Variants in GTF2F2 observed in about 807,000 individuals in gnomAD.
GTF2F2 encodes general transcription factor IIF subunit 2.
GTF2F2 carries 23 observed loss-of-function variants against 42.2 expected under a neutral mutation model. The observed-to-expected ratio is 0.55, with a 90% confidence interval of 0.39 to 0.77. The LOEUF (loss-of-function observed/expected upper bound fraction) is 0.77, where lower values mean the gene tolerates loss of function less well. GTF2F2 is among the 30% of genes least tolerant of loss of function. GTF2F2 has a pLI of 0.00. For synonymous variants in GTF2F2, 105 were observed against 100.8 expected, an observed-to-expected ratio of 1.04 and a Z score of -0.25; for missense variants, 261 against 287.2, an observed-to-expected ratio of 0.91 and a Z score of 0.66.
intron 2 of GTF2F2, among the ~76,000 whole-genome samples, chr13:45,144,542 C>T (rs1032157375): frequency 2.7e-5 from 4 of 146,398 alleles, no homozygotes; most frequent in East Asian, 2.0e-4. Flanking sequence ...CTTGGGTTCA[C>T]GCCATTCTCC....
chr13:45,280,192 T>A (rs1272477022), intron 7 of GTF2F2, among the ~76,000 whole-genome samples: 1 of 152,022 alleles, frequency 6.6e-6, no homozygotes, highest in African/African-American at 2.4e-5. Context: ...ATGGGAAGCA[T>A]GCGTGAGGGG....
intron 1 of GTF2F2, among the ~76,000 whole-genome samples, chr13:45,136,324 A>G (rs1869617711): frequency 6.6e-6 from 1 of 152,236 alleles, no homozygotes; most frequent in African/African-American, 2.4e-5. Context: ...CAAAGTTACA[A>G]TTTTCTACAT....
intron 2 of GTF2F2, among the ~76,000 whole-genome samples, chr13:45,142,510 C>T (rs1483531356): frequency 6.6e-6 from 1 of 152,066 alleles, no homozygotes; most frequent in Non-Finnish European, 1.5e-5. Context: ...TTTACCTATG[C>T]CAATATCAGA....
intron 2 of GTF2F2, among the ~76,000 whole-genome samples, chr13:45,138,755 C>T (rs1185722245): frequency 6.6e-6 from 1 of 152,210 alleles, no homozygotes; most frequent in Non-Finnish European, 1.5e-5. Context: ...AAGCGATTCT[C>T]CTGCCTTAGC....
chr13:45,275,024 A>G (rs1876973098), intron 7 of GTF2F2, among the ~76,000 whole-genome samples: 2 of 151,992 alleles, frequency 1.3e-5, no homozygotes, highest in South Asian at 4.1e-4. Context: ...CTTCATACCC[A>G]TTACTAGTCA....
At chr13:45,124,976 G>A (rs368995001) in intron 1 of GTF2F2, among the ~76,000 whole-genome samples, 165 of 152,266 alleles carry the variant, frequency 1.1e-3, no homozygotes, top group African/African-American at 3.4e-3. Context: ...CACCCTTCCC[G>A]GCTAGCTTTC....
chr13:45,120,581 C>A lies in GTF2F2; in HGVS notation c.-75C>A. 1 of 1,081,030 alleles carries A rather than the reference C, an allele frequency of 9.3e-7. No homozygotes were observed. The highest frequency in any genetic ancestry group is 1.4e-6 in the Non-Finnish European group (1 of 721,698). The allele number at this position is 1,081,030 out of a possible 1,614,324, so 67.0% of individuals were successfully genotyped here. On this transcript the variant is annotated 5_prime_UTR_variant, in exon 1 of 8. Coordinates refer to ENST00000340473, the MANE Select transcript of GTF2F2 (RefSeq NM_004128.3). ...TCTCAGCGCGGCTTGTCCTTTGTTCCGGACGCCCGCTCCTCAGCCCTGCGG... is the reference window on the plus strand; with the variant it reads ...TCTCAGCGCGGCTTGTCCTTTGTTCAGGACGCCCGCTCCTCAGCCCTGCGG...
At chr13:45,200,272 A>G (rs1383803579) in intron 4 of GTF2F2, among the ~76,000 whole-genome samples, 1 of 152,038 alleles carries the variant, frequency 6.6e-6, no homozygotes, top group Non-Finnish European at 1.5e-5. Context: ...AGACAAAACA[A>G]TGTGGCTGCT....
intron 4 of GTF2F2, among the ~76,000 whole-genome samples, chr13:45,165,806 CTTTTTTTTTTT>C (rs5803286): frequency 7.9e-5 from 7 of 88,888 alleles, no homozygotes; most frequent in Non-Finnish European, 1.2e-4. Flanking sequence ...TCAGTACATT[CTTTTTTTTTTT>C]TTTTTTTTTT....
At chr13:45,240,972 T>C (rs1233816783) in intron 5 of GTF2F2, among the ~76,000 whole-genome samples, 1 of 124,716 alleles carries the variant, frequency 8.0e-6, no homozygotes, top group Non-Finnish European at 1.7e-5. Flanking sequence ...AACCCTGTTA[T>C]TACAAAAAAA....
chr13:45,282,433 C>G (rs780452418), intron 7 of GTF2F2, among the ~76,000 whole-genome samples: 1 of 152,222 alleles, frequency 6.6e-6, no homozygotes, highest in East Asian at 1.9e-4. Context: ...TAATATGACT[C>G]TTTTCTTTGG....
chr13:45,147,235 C>T (rs1220005429), intron 2 of GTF2F2, among the ~76,000 whole-genome samples: 2 of 152,124 alleles, frequency 1.3e-5, no homozygotes, highest in Non-Finnish European at 2.9e-5. Flanking sequence ...AATTTAATGA[C>T]CTGCTATGTA....
chr13:45,161,229 G>A (rs530625021), intron 4 of GTF2F2, among the ~76,000 whole-genome samples: 10 of 152,194 alleles, frequency 6.6e-5, no homozygotes, highest in East Asian at 5.8e-4. Flanking sequence ...CTTACCCACC[G>A]TTGCTTTTGC....
At chr13:45,228,719 G>A (rs973509136) in intron 5 of GTF2F2, among the ~76,000 whole-genome samples, 7 of 133,134 alleles carry the variant, frequency 5.3e-5, no homozygotes, top group Non-Finnish European at 9.2e-5. Context: ...TGCCCAGGCT[G>A]GAGTGCAACG....
chr13:45,177,769 A>G (rs928612642), intron 4 of GTF2F2, among the ~76,000 whole-genome samples: 1 of 152,182 alleles, frequency 6.6e-6, no homozygotes, highest in Non-Finnish European at 1.5e-5. Context: ...GCTAAGATCT[A>G]CGGTAAAAAT....
intron 4 of GTF2F2, among the ~76,000 whole-genome samples, chr13:45,159,201 CAT>C (rs1311105133): frequency 2.2e-4 from 33 of 152,296 alleles, no homozygotes; most frequent in Non-Finnish European, 4.0e-4. Flanking sequence ...AATTTGGTAA[CAT>C]GTACCAATTA....
intron 4 of GTF2F2, among the ~76,000 whole-genome samples, chr13:45,162,450 C>CA (rs1871083512): frequency 6.6e-6 from 1 of 152,148 alleles, no homozygotes; most frequent in South Asian, 2.1e-4. Flanking sequence ...CAAACAGGAA[C>CA]AAAAATATAT....
intron 1 of GTF2F2, among the ~76,000 whole-genome samples, chr13:45,125,943 A>G (rs757086122): frequency 5.3e-5 from 8 of 152,188 alleles, no homozygotes; most frequent in Non-Finnish European, 1.2e-4. Flanking sequence ...TGTCCCAGCC[A>G]GTCAGTGGAT....
At chr13:45,214,686 A>G (rs1873819829) in intron 5 of GTF2F2, among the ~76,000 whole-genome samples, 1 of 152,194 alleles carries the variant, frequency 6.6e-6, no homozygotes, top group South Asian at 2.1e-4. Context: ...TGTCTTATGT[A>G]TTAAACTGAT....
Sources: allele counts gnomAD v4.1 joint callset (sites outside exome capture counted in the v4.1 genomes callset), GRCh38; gene constraint gnomAD v4.1.1; transcripts MANE v1.5; gene names NCBI Gene and HGNC (gene_info 2026-07-23, HGNC 2026-07-21).